Variants in ATF2 observed in about 807,000 individuals in gnomAD.
ATF2 encodes activating transcription factor 2, also known as cyclic AMP-dependent transcription factor ATF-2.
Under a neutral mutation model 60.6 loss-of-function variants are expected in ATF2, and 24 were observed. The observed-to-expected ratio is 0.40, with a 90% CI of 0.29 to 0.56. ATF2 has a LOEUF of 0.56. ATF2 is among the 20% of genes least tolerant of loss of function. ATF2 has a pLI of 0.54. For missense variants in ATF2, 433 were observed against 607.7 expected, an observed-to-expected ratio of 0.71 and a Z score of 3.02; for synonymous variants, 206 against 215.4, an observed-to-expected ratio of 0.96 and a Z score of 0.38.
At position 175,075,160 on chromosome 2, in the gene ATF2, A is replaced by C; in HGVS notation, c.1292-325T>G. The C allele has an allele frequency of 4.2e-6, 4 of 955,240 alleles. No individual in the cohort carries two copies. In the South Asian group the frequency reaches 7.8e-5, roughly 19 times the overall value. 59.2% of individuals were successfully genotyped at this position (955,240 alleles called of 1,614,324 possible). ...CTCTTACAGATACAATCAAACATTA[A>C]GTATCACATTTAACAAACTCAGTCT... On this transcript the variant is annotated intron_variant, in intron 13 of 13. Coordinates refer to ENST00000264110, the MANE Select transcript of ATF2 (RefSeq NM_001880.4).
In ATF2 at chr2:175,074,078, C is replaced by T. The variant is rs1340898358; in HGVS notation, c.*531G>A. 6.6e-6 allele frequency: 1 copy of T among 152,202 alleles called. No individual in the cohort carries two copies. The highest frequency in any genetic ancestry group is 1.9e-4 in the East Asian group (1 of 5,200). The allele number at this position is 152,202 out of a possible 1,614,324, so 9.4% of individuals were successfully genotyped here. A position where few individuals can be genotyped will look rare whatever the true frequency, so the allele number is the denominator to read the frequency against. Reference sequence around the variant, plus strand: ...AAAAAAAGTGTTCTTTAATGTTTTTCCTTTTGCATAATGTGCAAAATAAAA... The same window carrying T: ...AAAAAAAGTGTTCTTTAATGTTTTTTCTTTTGCATAATGTGCAAAATAAAA... On this transcript the variant is annotated 3_prime_UTR_variant, in exon 14 of 14. Transcript: ENST00000264110.
intron 12 of ATF2, among the ~76,000 whole-genome samples, chr2:175,088,387 T>C (rs1346421466): frequency 6.6e-6 from 1 of 152,160 alleles, no homozygotes. Context: ...AAATATTGTC[T>C]GGTACCAGAA....
intron 1 of ATF2, among the ~76,000 whole-genome samples, chr2:175,159,781 CATAA>C (rs1161765099): frequency 6.6e-6 from 1 of 152,000 alleles, no homozygotes; most frequent in African/African-American, 2.4e-5. Flanking sequence ...ATAACAAATA[CATAA>C]ATACAAAAAA....
At chr2:175,094,880 C>T (rs985533012) in intron 11 of ATF2, among the ~76,000 whole-genome samples, 1 of 152,042 alleles carries the variant, frequency 6.6e-6, no homozygotes, top group Non-Finnish European at 1.5e-5. Context: ...GAAGTCGAGG[C>T]TGCAGTGAGC....
At chr2:175,126,249 C>T (rs1471468112) in intron 4 of ATF2, among the ~76,000 whole-genome samples, 2 of 152,172 alleles carry the variant, frequency 1.3e-5, no homozygotes, top group African/African-American at 4.8e-5. Flanking sequence ...CTGGTTGCTA[C>T]TTCTTAATCT....
At chr2:175,153,370 A>G (rs951206658) in intron 1 of ATF2, among the ~76,000 whole-genome samples, 4 of 152,218 alleles carry the variant, frequency 2.6e-5, no homozygotes, top group African/African-American at 4.8e-5. Context: ...ATCATTGTGC[A>G]AACTTCAGAC....
intron 7 of ATF2, among the ~76,000 whole-genome samples, chr2:175,115,701 T>C (rs1460912071): frequency 6.6e-6 from 1 of 152,162 alleles, no homozygotes; most frequent in Non-Finnish European, 1.5e-5. Flanking sequence ...ATTCAGTAAG[T>C]TGAGAACTTA....
intron 10 of ATF2, among the ~76,000 whole-genome samples, chr2:175,108,675 G>A (rs1371926502): frequency 2.0e-5 from 3 of 152,214 alleles, no homozygotes; most frequent in Non-Finnish European, 2.9e-5. Context: ...TCTGGGAGGT[G>A]TACCCAACAG....
At chr2:175,156,741 C>A (rs988292436) in intron 1 of ATF2, among the ~76,000 whole-genome samples, 3 of 152,212 alleles carry the variant, frequency 2.0e-5, no homozygotes, top group Non-Finnish European at 4.4e-5. Flanking sequence ...TGCAGCTCTG[C>A]CAACGCACTC....
At chr2:175,075,681 C>T (rs1387816825) in intron 13 of ATF2, among the ~76,000 whole-genome samples, 1 of 152,032 alleles carries the variant, frequency 6.6e-6, no homozygotes, top group Non-Finnish European at 1.5e-5. Flanking sequence ...AACATGAACA[C>T]CTGGGAACCG....
At chr2:175,106,638 C>G (rs1425127957) in intron 10 of ATF2, among the ~76,000 whole-genome samples, 1 of 151,932 alleles carries the variant, frequency 6.6e-6, no homozygotes. Context: ...GAGTTCGAGA[C>G]CAGCCTGGCC....
intron 1 of ATF2, among the ~76,000 whole-genome samples, chr2:175,155,841 G>C (rs1699637898): frequency 6.6e-6 from 1 of 152,146 alleles, no homozygotes; most frequent in Non-Finnish European, 1.5e-5. Flanking sequence ...ACTTATAAAA[G>C]TGGTGTATCT....
In ATF2 at chr2:175,075,853, CTTTG is replaced by C. The variant is rs199755118; in HGVS notation, c.1292-1022_1292-1019del. Among the ~76,000 whole-genome samples the C allele has an allele frequency of 3.9e-4, 60 of 152,286 alleles. No individual in the cohort carries two copies. In the East Asian group the frequency reaches 8.1e-3, roughly 21 times the overall value. ...TGTATCCCTAAACAATATAGTTCAGCTTTGTTTATTTTGAAACATTTTAAAAACA... is the reference window on the plus strand; with the variant it reads ...TGTATCCCTAAACAATATAGTTCAGCTTTATTTTGAAACATTTTAAAAACA... On this transcript the variant is annotated intron_variant, in intron 13 of 13. Coordinates refer to ENST00000264110, the MANE Select transcript of ATF2 (RefSeq NM_001880.4).
At chr2:175,129,921 T>TC (rs938056707) in intron 4 of ATF2, among the ~76,000 whole-genome samples, 8 of 151,888 alleles carry the variant, frequency 5.3e-5, no homozygotes, top group African/African-American at 1.9e-4. Flanking sequence ...GATATAATGC[T>TC]CCCCCCCTCC....
chr2:175,140,526 C>G (rs1005424832), intron 2 of ATF2, among the ~76,000 whole-genome samples: 1 of 152,016 alleles, frequency 6.6e-6, no homozygotes, highest in Non-Finnish European at 1.5e-5. Flanking sequence ...CATGAGAAAA[C>G]TTTTGAGGGT....
intron 1 of ATF2, among the ~76,000 whole-genome samples, chr2:175,162,743 A>G (rs1330264266): frequency 6.6e-6 from 1 of 152,244 alleles, no homozygotes. Flanking sequence ...TGCAATATAT[A>G]TGCACAAACT....
intron 12 of ATF2, among the ~76,000 whole-genome samples, chr2:175,089,911 T>A (rs1160244133): frequency 3.9e-5 from 6 of 152,162 alleles, no homozygotes; most frequent in Non-Finnish European, 7.4e-5. Flanking sequence ...CCAGTTCCTA[T>A]ACCTATACAT....
At chr2:175,158,404 G>A (rs751868561) in intron 1 of ATF2, among the ~76,000 whole-genome samples, 7 of 151,404 alleles carry the variant, frequency 4.6e-5, no homozygotes, top group Non-Finnish European at 8.8e-5. Flanking sequence ...AATTTTTTTT[G>A]GAGTGACCGG....
intron 7 of ATF2, among the ~76,000 whole-genome samples, chr2:175,117,169 T>C (rs1357934483): frequency 6.6e-5 from 10 of 152,020 alleles, no homozygotes; most frequent in Admixed American, 5.2e-4. Flanking sequence ...TTTCTTTTCA[T>C]GTTTCTGTAT....
Sources: gnomAD v4.1 joint callset for allele counts (sites outside exome capture counted in the v4.1 genomes callset) on GRCh38, gnomAD v4.1.1 for gene constraint, MANE v1.5 for transcripts, NCBI Gene and HGNC (gene_info 2026-07-23, HGNC 2026-07-21) for gene names.